FTO: variants seen among roughly 807,000 people sequenced by gnomAD.
The protein encoded by FTO is FTO alpha-ketoglutarate dependent dioxygenase, also known as alpha-ketoglutarate-dependent dioxygenase FTO.
A neutral mutation model predicts 63.9 loss-of-function variants in FTO; 47 were observed. That is an observed-to-expected ratio of 0.74 (90% CI 0.58 to 0.94). The LOEUF (loss-of-function observed/expected upper bound fraction) is 0.94. FTO is among the 40% of genes least tolerant of loss of function. FTO has a pLI of 0.00. For missense variants in FTO, 562 were observed against 618.1 expected, an observed-to-expected ratio of 0.91 and a Z score of 0.96; for synonymous variants, 207 against 224.4, an observed-to-expected ratio of 0.92 and a Z score of 0.69.
intron 7 of FTO, among the ~76,000 whole-genome samples, chr16:53,891,363 T>A (rs140250492): frequency 0.012 from 1,787 of 152,144 alleles, 31 homozygotes; most frequent in African/African-American, 0.04. Flanking sequence ...TTTTTTATTT[T>A]TTTTAAGTAA....
chr16:54,005,069 A>T (rs1420525575), intron 8 of FTO, among the ~76,000 whole-genome samples: 7 of 78,702 alleles, frequency 8.9e-5, no homozygotes, highest in African/African-American at 2.8e-4. Flanking sequence ...GGCTCCGTCT[A>T]AAAAAAAAAA....
chr16:54,007,753 G>A (rs765142486), intron 8 of FTO, among the ~76,000 whole-genome samples: 12 of 152,180 alleles, frequency 7.9e-5, no homozygotes, highest in East Asian at 1.9e-4. Flanking sequence ...GTCCTGTGTC[G>A]CCAGAGCTTC....
chr16:53,863,449 G>A (rs923165941), intron 4 of FTO, among the ~76,000 whole-genome samples: 1 of 152,190 alleles, frequency 6.6e-6, no homozygotes, highest in Non-Finnish European at 1.5e-5. Flanking sequence ...GTCATGTAGA[G>A]ATTTTATAAA....
intron 8 of FTO, among the ~76,000 whole-genome samples, chr16:53,955,500 A>T (rs2082908101): frequency 6.6e-6 from 1 of 152,170 alleles, no homozygotes; most frequent in East Asian, 1.9e-4. Context: ...TGACAGAGGG[A>T]GAAGTAAGTG....
chr16:54,008,779 G>A (rs1361161209), intron 8 of FTO, among the ~76,000 whole-genome samples: 1 of 150,186 alleles, frequency 6.7e-6, no homozygotes, highest in Admixed American at 6.6e-5. Flanking sequence ...ACCAGTCTGG[G>A]TAACCAAGTG....
chr16:54,022,678 TACA>T (rs1311972374), intron 8 of FTO, among the ~76,000 whole-genome samples: 3 of 152,102 alleles, frequency 2.0e-5, no homozygotes, highest in Non-Finnish European at 4.4e-5. Flanking sequence ...GGGAAATAAA[TACA>T]ACAAGATTAT....
chr16:54,091,588 TAC>T (rs1479465845), intron 8 of FTO, among the ~76,000 whole-genome samples: 1 of 152,186 alleles, frequency 6.6e-6, no homozygotes, highest in East Asian at 1.9e-4. Context: ...TAGTTAGAGA[TAC>T]AGAAGGTAAC....
At chr16:53,777,972 C>G (rs2077500280) in intron 1 of FTO, among the ~76,000 whole-genome samples, 1 of 152,022 alleles carries the variant, frequency 6.6e-6, no homozygotes, top group Non-Finnish European at 1.5e-5. Flanking sequence ...TTTGAGACAA[C>G]CATTTTACTT....
chr16:54,062,748 T>C (rs2085614133), intron 8 of FTO, among the ~76,000 whole-genome samples: 1 of 152,202 alleles, frequency 6.6e-6, no homozygotes, highest in African/African-American at 2.4e-5. Context: ...TTTGTCACCC[T>C]GACAGTAATG....
intron 8 of FTO, among the ~76,000 whole-genome samples, chr16:54,109,417 G>A (rs1048486293): frequency 3.9e-5 from 6 of 152,086 alleles, no homozygotes; most frequent in African/African-American, 1.4e-4. Flanking sequence ...TGCAACCTCC[G>A]CCTCCTGGGT....
chr16:54,085,924 G>A (rs1342602633), intron 8 of FTO, among the ~76,000 whole-genome samples: 1 of 152,058 alleles, frequency 6.6e-6, no homozygotes, highest in East Asian at 1.9e-4. Context: ...TTCAGCTTTT[G>A]GGGTCCACAG....
At chr16:53,850,300 C>T (rs2079752780) in intron 4 of FTO, among the ~76,000 whole-genome samples, 1 of 151,734 alleles carries the variant, frequency 6.6e-6, no homozygotes, top group Non-Finnish European at 1.5e-5. Flanking sequence ...TTCTTGTTAT[C>T]TTCTCAGGAA....
intron 1 of FTO, among the ~76,000 whole-genome samples, chr16:53,721,913 T>C (rs1023830480): frequency 1.3e-5 from 2 of 152,234 alleles, no homozygotes; most frequent in Non-Finnish European, 2.9e-5. Context: ...CCCTTTGCGC[T>C]GCTTTTAAAG....
At chr16:53,920,240 A>G (rs2151953884) in intron 7 of FTO, among the ~76,000 whole-genome samples, 1 of 152,288 alleles carries the variant, frequency 6.6e-6, no homozygotes, top group African/African-American at 2.4e-5. Flanking sequence ...GCTGCTATAA[A>G]TATCCTCATT....
intron 8 of FTO, among the ~76,000 whole-genome samples, chr16:54,005,693 A>G (rs1322627746): frequency 6.6e-6 from 1 of 152,198 alleles, no homozygotes; most frequent in Non-Finnish European, 1.5e-5. Flanking sequence ...ACTACTATAT[A>G]CTGTCATTAA....
At chr16:53,787,466 G>C (rs922556251) in intron 1 of FTO, among the ~76,000 whole-genome samples, 1 of 151,624 alleles carries the variant, frequency 6.6e-6, no homozygotes, top group South Asian at 2.1e-4. Context: ...GGATTTTCCT[G>C]ATTTTAAGCA....
intron 8 of FTO, among the ~76,000 whole-genome samples, chr16:54,034,466 C>G (rs577435389): frequency 6.6e-6 from 1 of 152,148 alleles, no homozygotes; most frequent in Non-Finnish European, 1.5e-5. Flanking sequence ...AATGAGGAAG[C>G]TTTTATTAGG....
At chr16:53,755,878 T>C (rs1277269579) in intron 1 of FTO, among the ~76,000 whole-genome samples, 1 of 152,152 alleles carries the variant, frequency 6.6e-6, no homozygotes, top group Non-Finnish European at 1.5e-5. Flanking sequence ...CCTTATGGGC[T>C]AAAAGGGGCC....
intron 1 of FTO, among the ~76,000 whole-genome samples, chr16:53,775,323 T>G (rs1473501286): frequency 6.6e-6 from 1 of 152,166 alleles, no homozygotes; most frequent in African/African-American, 2.4e-5. Flanking sequence ...TAGTCACGTG[T>G]CTTGGTACTA....
Sources: allele counts gnomAD v4.1 joint callset (sites outside exome capture counted in the v4.1 genomes callset), GRCh38; gene constraint gnomAD v4.1.1; transcripts MANE v1.5; gene names NCBI Gene and HGNC (gene_info 2026-07-23, HGNC 2026-07-21).